MAGI3: variants seen among roughly 807,000 people sequenced by gnomAD.
MAGI3 encodes the protein membrane-associated guanylate kinase, WW and PDZ domain-containing protein 3.
In MAGI3, 43 loss-of-function variants were observed where a neutral mutation model predicts 121.8. The observed-to-expected ratio is 0.35, with a 90% CI of 0.28 to 0.46. The LOEUF (loss-of-function observed/expected upper bound fraction) is 0.46. MAGI3 is among the 20% of genes least tolerant of loss of function. The pLI, the probability that MAGI3 is intolerant of heterozygous loss-of-function variation, is 1.00. For synonymous variants in MAGI3, 553 were observed against 639.3 expected, an observed-to-expected ratio of 0.86 and a Z score of 2.04; for missense variants, 1,547 against 1,797.3, an observed-to-expected ratio of 0.86 and a Z score of 2.52.
At chr1:113,538,542 GT>G (rs561788452) in intron 1 of MAGI3, among the ~76,000 whole-genome samples, 4 of 151,876 alleles carry the variant, frequency 2.6e-5, no homozygotes, top group Non-Finnish European at 5.9e-5. Context: ...AAAATGCTGG[GT>G]TTTTTTTAAG....
intron 13 of MAGI3, among the ~76,000 whole-genome samples, chr1:113,649,832 A>G (rs760754583): frequency 6.6e-6 from 1 of 152,238 alleles, no homozygotes; most frequent in African/African-American, 2.4e-5. Context: ...CTAGAGGAAT[A>G]TAAAATAATT....
intron 1 of MAGI3, among the ~76,000 whole-genome samples, chr1:113,522,565 A>C (rs1658250681): frequency 6.6e-6 from 1 of 152,224 alleles, no homozygotes; most frequent in African/African-American, 2.4e-5. Flanking sequence ...AACAGAGATA[A>C]TAATACTCAC....
chr1:113,487,529 A>G (rs1656442951), intron 1 of MAGI3, among the ~76,000 whole-genome samples: 1 of 152,194 alleles, frequency 6.6e-6, no homozygotes, highest in African/African-American at 2.4e-5. Context: ...GTAATGGAAC[A>G]CTAGGCATAA....
At chr1:113,641,056 TATATATGATATATATAATATATATGAG>T (rs1557868995) in intron 9 of MAGI3, among the ~76,000 whole-genome samples, 21 of 64,000 alleles carry the variant, frequency 3.3e-4, no homozygotes, top group Non-Finnish European at 5.8e-4. Context: ...TATGATATAT[TATATATGATATATATAATATATATGAG>T]ATATATATTA....
intron 1 of MAGI3, among the ~76,000 whole-genome samples, chr1:113,394,422 A>G (rs115650066): frequency 2.3e-3 from 348 of 152,308 alleles, no homozygotes; most frequent in Non-Finnish European, 2.9e-3. Context: ...GCAAAGAGAA[A>G]AGTTGTCATT....
At chr1:113,640,145 A>T (rs1652363652) in intron 9 of MAGI3, among the ~76,000 whole-genome samples, 1 of 152,236 alleles carries the variant, frequency 6.6e-6, no homozygotes, top group Non-Finnish European at 1.5e-5. Flanking sequence ...AACATCGCTG[A>T]TTATTAAAGA....
At chr1:113,611,658 T>C (rs1650143460) in intron 6 of MAGI3, among the ~76,000 whole-genome samples, 1 of 152,200 alleles carries the variant, frequency 6.6e-6, no homozygotes, top group African/African-American at 2.4e-5. Flanking sequence ...TTTCGTCCTT[T>C]ATTACTGCTT....
chr1:113,552,007 A>G (rs1389182008), intron 2 of MAGI3, among the ~76,000 whole-genome samples: 2 of 152,112 alleles, frequency 1.3e-5, no homozygotes, highest in Non-Finnish European at 2.9e-5. Flanking sequence ...CCTACGAAAT[A>G]TAAGGTAATC....
At chr1:113,621,270 CA>C (rs1408169006) in intron 8 of MAGI3, among the ~76,000 whole-genome samples, 2 of 152,098 alleles carry the variant, frequency 1.3e-5, no homozygotes, top group Non-Finnish European at 2.9e-5. Flanking sequence ...AGGGTAGTAA[CA>C]AGCGATGAGG....
At chr1:113,550,373 G>A (rs936768130) in intron 2 of MAGI3, among the ~76,000 whole-genome samples, 28 of 151,722 alleles carry the variant, frequency 1.8e-4, no homozygotes, top group Non-Finnish European at 3.7e-4. Context: ...CCGAGATAGC[G>A]CCACTGCAGT....
At chr1:113,648,996 A>G (rs566455163) in intron 12 of MAGI3, among the ~76,000 whole-genome samples, 1 of 152,332 alleles carries the variant, frequency 6.6e-6, no homozygotes, top group South Asian at 2.1e-4. Context: ...TACTGAGTAT[A>G]TGGAAGTGAG....
chr1:113,434,804 A>G (rs1254102246), intron 1 of MAGI3, among the ~76,000 whole-genome samples: 1 of 152,222 alleles, frequency 6.6e-6, no homozygotes, highest in African/African-American at 2.4e-5. Flanking sequence ...CAGATAAGGA[A>G]GGTTCTTGCA....
chr1:113,598,440 C>G (rs1458414952), intron 6 of MAGI3, among the ~76,000 whole-genome samples: 1 of 152,020 alleles, frequency 6.6e-6, no homozygotes, highest in Admixed American at 6.6e-5. Context: ...AGAGATTCAT[C>G]TAACACATAA....
chr1:113,527,207 G>C (rs1333501426), intron 1 of MAGI3, among the ~76,000 whole-genome samples: 1 of 152,106 alleles, frequency 6.6e-6, no homozygotes, highest in South Asian at 2.1e-4. Context: ...TAAAATGGCA[G>C]TTGAGGTGAA....
chr1:113,580,519 C>CTTTTTTTTTTTTT, intron 2 of MAGI3, 23 bp from the exon 3 acceptor site: 1 of 1,458,590 alleles, frequency 6.9e-7, no homozygotes, highest in Admixed American at 2.0e-5. Flanking sequence ...TTACAACCTA[C>CTTTTTTTTTTTTT]TTTTTTTTTT....
intron 2 of MAGI3, among the ~76,000 whole-genome samples, chr1:113,563,790 G>A (rs530513015): frequency 3.9e-5 from 6 of 152,132 alleles, no homozygotes; most frequent in Admixed American, 2.6e-4. Context: ...GCTTGCTGGC[G>A]AATTTCACTG....
chr1:113,434,483 A>G (rs1487037616), intron 1 of MAGI3, among the ~76,000 whole-genome samples: 2 of 152,196 alleles, frequency 1.3e-5, no homozygotes, highest in Non-Finnish European at 2.9e-5. Flanking sequence ...AACACCTTTT[A>G]CTTAGTAAGC....
chr1:113,559,144 A>T (rs1340377108), intron 2 of MAGI3, among the ~76,000 whole-genome samples: 1 of 152,232 alleles, frequency 6.6e-6, no homozygotes, highest in East Asian at 1.9e-4. Context: ...GCCACCATAA[A>T]CAAGTCTGCA....
intron 9 of MAGI3, among the ~76,000 whole-genome samples, chr1:113,624,035 A>G (rs1651056993): frequency 6.6e-6 from 1 of 152,128 alleles, no homozygotes; most frequent in African/African-American, 2.4e-5. Flanking sequence ...AAATGACAAG[A>G]TCTCATTCTT....
Sources: allele counts gnomAD v4.1 joint callset (sites outside exome capture counted in the v4.1 genomes callset), GRCh38; gene constraint gnomAD v4.1.1; transcripts MANE v1.5; gene names NCBI Gene and HGNC (gene_info 2026-07-23, HGNC 2026-07-21).